RANBP17: variants seen among roughly 807,000 people sequenced by gnomAD.
RANBP17 encodes ran-binding protein 17.
RANBP17 carries 158 observed loss-of-function variants against 141.2 expected under a neutral mutation model. The observed-to-expected ratio is 1.12, with a 90% CI of 0.98 to 1.28. The LOEUF (loss-of-function observed/expected upper bound fraction) is 1.28. Among genes scored for constraint, RANBP17 ranks in the 50% most tolerant of loss-of-function variants. RANBP17 has a pLI of 0.00. For missense variants in RANBP17, 1,438 were observed against 1,290.7 expected (o/e 1.11, Z -1.75); for synonymous variants, 430 against 450.0 (o/e 0.96, Z 0.56).
chr5:171,154,098 GTTTTTT>G (rs70982325), intron 14 of RANBP17, among the ~76,000 whole-genome samples: 1 of 130,234 alleles, frequency 7.7e-6, no homozygotes, highest in African/African-American at 2.8e-5. Context: ...GTTCACTTTA[GTTTTTT>G]TTTTTTTTTT....
At chr5:170,903,011 G>C (rs774428016) in intron 5 of RANBP17, among the ~76,000 whole-genome samples, 49 of 152,170 alleles carry the variant, frequency 3.2e-4, no homozygotes, top group Non-Finnish European at 5.9e-4. Context: ...CTGTGCCTTA[G>C]CAGAGCTTGA....
intron 24 of RANBP17, among the ~76,000 whole-genome samples, chr5:171,260,257 C>T (rs540737144): frequency 6.7e-5 from 10 of 148,806 alleles, no homozygotes; most frequent in Non-Finnish European, 1.3e-4. Context: ...GCCGAGATCA[C>T]GCCACTGCGC....
intron 14 of RANBP17, among the ~76,000 whole-genome samples, chr5:171,094,859 G>T (rs1786565422): frequency 6.6e-6 from 1 of 152,028 alleles, no homozygotes; most frequent in Non-Finnish European, 1.5e-5. Context: ...TTCCCTGTTG[G>T]CTGTGGTTTG....
At chr5:171,125,100 G>A (rs1756334843) in intron 14 of RANBP17, among the ~76,000 whole-genome samples, 1 of 152,224 alleles carries the variant, frequency 6.6e-6, no homozygotes, top group Admixed American at 6.5e-5. Context: ...TTCAAAACCA[G>A]CCTGGTCAAC....
chr5:171,064,889 A>G (rs907184702), intron 14 of RANBP17, among the ~76,000 whole-genome samples: 4 of 151,870 alleles, frequency 2.6e-5, no homozygotes, highest in Non-Finnish European at 1.5e-5. Context: ...AAAATCCTTG[A>G]TTTATTAAGA....
chr5:171,111,270 A>G (rs1393452239), intron 14 of RANBP17, among the ~76,000 whole-genome samples: 1 of 152,168 alleles, frequency 6.6e-6, no homozygotes, highest in Non-Finnish European at 1.5e-5. Flanking sequence ...CATTTCTAAG[A>G]TATAACCATT....
intron 13 of RANBP17, among the ~76,000 whole-genome samples, chr5:170,954,734 G>A (rs762221235): frequency 3.3e-5 from 5 of 151,900 alleles, no homozygotes; most frequent in Non-Finnish European, 5.9e-5. Context: ...TCTTTATGTA[G>A]ACTGAAATAA....
At chr5:170,953,153 G>T (rs1489654212) in intron 12 of RANBP17, among the ~76,000 whole-genome samples, 2 of 152,098 alleles carry the variant, frequency 1.3e-5, no homozygotes, top group Non-Finnish European at 2.9e-5. Context: ...GTACTATCAT[G>T]ACATTGACCA....
At chr5:171,264,075 A>T (rs1344500704) in intron 24 of RANBP17, among the ~76,000 whole-genome samples, 1 of 152,144 alleles carries the variant, frequency 6.6e-6, no homozygotes, top group African/African-American at 2.4e-5. Context: ...AACAACAAAA[A>T]GGTGTTTGGT....
chr5:170,972,679 A>C (rs916272927), intron 14 of RANBP17, among the ~76,000 whole-genome samples: 1 of 152,166 alleles, frequency 6.6e-6, no homozygotes, highest in African/African-American at 2.4e-5. Context: ...TCATGTCTGC[A>C]TCCTCATGCA....
At chr5:171,152,395 C>T (rs1238112814) in intron 14 of RANBP17, among the ~76,000 whole-genome samples, 2 of 148,906 alleles carry the variant, frequency 1.3e-5, no homozygotes, top group African/African-American at 2.5e-5. Context: ...CCAGTCTGGG[C>T]GACAGAACGA....
chr5:171,105,381 CAAAAAAAAAAAAAA>C (rs1167025699), intron 14 of RANBP17, among the ~76,000 whole-genome samples: 4 of 54,276 alleles, frequency 7.4e-5, no homozygotes, highest in Admixed American at 2.6e-4. Flanking sequence ...GACTCCGTCT[CAAAAAAAAAAAAAA>C]AAAAAAAAAA....
intron 14 of RANBP17, among the ~76,000 whole-genome samples, chr5:171,058,042 A>C (rs541262588): frequency 2.2e-4 from 34 of 152,232 alleles, no homozygotes; most frequent in Middle Eastern, 3.4e-3. Context: ...ATTTGGTTAT[A>C]TGTAGCTGGT....
chr5:170,988,225 G>A (rs1003436444), intron 14 of RANBP17, among the ~76,000 whole-genome samples: 1 of 150,828 alleles, frequency 6.6e-6, no homozygotes, highest in Non-Finnish European at 1.5e-5. Context: ...AAAACTCCAC[G>A]TGCATTCTGA....
intron 14 of RANBP17, among the ~76,000 whole-genome samples, chr5:171,105,967 C>T (rs1005138569): frequency 1.3e-5 from 2 of 152,144 alleles, no homozygotes; most frequent in African/African-American, 4.8e-5. Flanking sequence ...AATTGATGTG[C>T]ACTGCAAGGG....
chr5:170,991,286 CTCATT>C lies in RANBP17; in HGVS notation c.1710+22911_1710+22915del, dbSNP rs1778489748. Among the ~76,000 whole-genome samples, 4 of 152,000 alleles carry C rather than the reference CTCATT, an allele frequency of 2.6e-5. No homozygotes were observed. In the South Asian group the frequency reaches 8.3e-4, roughly 32 times the overall value. On this transcript the variant is annotated intron_variant, in intron 14 of 27. Transcript: ENST00000523189. The stretch of plus-strand genomic sequence containing the variant: ...ATTTTTCAGATTGTACCAAATGCCT[CTCATT>C]TAAGTTTATCAGTTAGGATTTAAGA...
At chr5:170,922,560 A>C (rs1408419125) in intron 11 of RANBP17, among the ~76,000 whole-genome samples, 1 of 152,140 alleles carries the variant, frequency 6.6e-6, no homozygotes, top group African/African-American at 2.4e-5. Flanking sequence ...GCAGCATCGC[A>C]GTTTGATCTC....
chr5:171,149,349 A>G (rs1236368446), intron 14 of RANBP17, among the ~76,000 whole-genome samples: 2 of 152,226 alleles, frequency 1.3e-5, no homozygotes, highest in Non-Finnish European at 2.9e-5. Flanking sequence ...ACAAATAAAA[A>G]TATCTAAACA....
chr5:171,271,639 G>A (rs1581160691), intron 25 of RANBP17: 1 of 208,140 alleles, frequency 4.8e-6, no homozygotes, highest in Non-Finnish European at 9.8e-6. Flanking sequence ...CTCTCTGGTT[G>A]ATTTACAACT....
Sources: allele counts gnomAD v4.1 joint callset (sites outside exome capture counted in the v4.1 genomes callset), GRCh38; gene constraint gnomAD v4.1.1; transcripts MANE v1.5; gene names NCBI Gene and HGNC (gene_info 2026-07-23, HGNC 2026-07-21).